The following NXPH2 variants were observed in gnomAD, a reference collection of about 807,000 sequenced individuals.
NXPH2 encodes neurexophilin 2, also known as neurexophilin-2.
In NXPH2, 5 loss-of-function variants were observed where a neutral mutation model predicts 19.8. That is an observed-to-expected ratio of 0.25 (90% confidence interval 0.13 to 0.53). NXPH2 has a LOEUF of 0.53. NXPH2 is among the 20% of genes least tolerant of loss of function. The probability of loss-of-function intolerance (pLI) is 0.96; values close to 1 mark genes in which losing one functional copy is unlikely to be tolerated. For synonymous variants in NXPH2, 154 were observed against 127.4 expected (o/e 1.21, Z -1.41); for missense variants, 289 against 322.8 (o/e 0.90, Z 0.80).
At chr2:138,730,854 G>A (rs1055349242) in intron 1 of NXPH2, among the ~76,000 whole-genome samples, 29 of 152,120 alleles carry the variant, frequency 1.9e-4, no homozygotes, top group African/African-American at 6.0e-4. Flanking sequence ...GCTGTTTTAC[G>A]CCACTGGGTC....
In NXPH2 at chr2:138,732,476, C is replaced by T. The variant is rs72988945; in HGVS notation, c.51+47715G>A. Among the ~76,000 whole-genome samples the T allele has an allele frequency of 2.5e-3, 386 of 152,298 alleles. 1 individual carries two copies. The highest frequency in any genetic ancestry group is 8.5e-3 in the African/African-American group (354 of 41,558). ...GATTCTTTTCAGGAGATGATCTCCT[C>T]TGAAATCTGTCAATGTCAGCCTTGG... is the stretch of plus-strand genomic sequence containing the variant. On this transcript the variant is annotated intron_variant, in intron 1 of 1. Transcript: ENST00000272641.
intron 1 of NXPH2, among the ~76,000 whole-genome samples, chr2:138,675,012 TCCTGTTTCATGGGATAGAGC>T (rs1680465489): frequency 6.6e-6 from 1 of 152,212 alleles, no homozygotes; most frequent in Non-Finnish European, 1.5e-5. Context: ...ACCTTCCTTC[TCCTGTTTCATGGGATAGAGC>T]CCTTCTGACA....
chr2:138,754,279 T>C (rs1182808831), intron 1 of NXPH2, among the ~76,000 whole-genome samples: 1 of 152,176 alleles, frequency 6.6e-6, no homozygotes, highest in Non-Finnish European at 1.5e-5. Flanking sequence ...ATATCCACCA[T>C]TAGAGTATCA....
Position 138,670,494 on chromosome 2 carries a change from C to G in NXPH2, c.*428G>C, listed in dbSNP as rs1402334144. Among the ~76,000 whole-genome samples the G allele has an allele frequency of 6.6e-6, 1 of 152,184 alleles. No individual in the cohort carries two copies. Among genetic ancestry groups the G allele is most frequent in the East Asian group, 1.9e-4 (1 of 5,202 alleles). On this transcript the variant is annotated 3_prime_UTR_variant, in exon 2 of 2. Coordinates refer to ENST00000272641, the MANE Select transcript of NXPH2 (RefSeq NM_007226.3). Reference sequence around the variant, plus strand: ...AATGTCAAAAACACAATTCATCTATCAAATACAATCTTTTCCTTTACCGCA... The same window carrying G: ...AATGTCAAAAACACAATTCATCTATGAAATACAATCTTTTCCTTTACCGCA...
At chr2:138,707,252 C>T (rs988859369) in intron 1 of NXPH2, among the ~76,000 whole-genome samples, 29 of 152,154 alleles carry the variant, frequency 1.9e-4, no homozygotes, top group Admixed American at 1.3e-3. Flanking sequence ...AATCAGAACA[C>T]ATATCAAACA....
At chr2:138,707,268 G>T (rs1271965158) in intron 1 of NXPH2, among the ~76,000 whole-genome samples, 1 of 151,938 alleles carries the variant, frequency 6.6e-6, no homozygotes, top group African/African-American at 2.4e-5. Flanking sequence ...AAACAAATGA[G>T]AACAAAGGCC....
intron 1 of NXPH2, among the ~76,000 whole-genome samples, chr2:138,723,644 G>A (rs926296738): frequency 1.8e-4 from 27 of 152,262 alleles, no homozygotes; most frequent in African/African-American, 6.0e-4. Context: ...ATTGGGCCTC[G>A]CCTCCTGCCA....
intron 1 of NXPH2, among the ~76,000 whole-genome samples, chr2:138,732,075 C>T (rs1400983166): frequency 2.6e-5 from 4 of 152,078 alleles, no homozygotes; most frequent in South Asian, 2.1e-4. Context: ...AACATGGCAA[C>T]GCAGGTTAAG....
At chr2:138,690,343 C>T (rs1680728522) in intron 1 of NXPH2, among the ~76,000 whole-genome samples, 1 of 152,094 alleles carries the variant, frequency 6.6e-6, no homozygotes, top group Admixed American at 6.5e-5. Flanking sequence ...GCTCGTGTCC[C>T]ATCTCACCCT....
At chr2:138,765,037 G>A (rs999339003) in intron 1 of NXPH2, among the ~76,000 whole-genome samples, 7 of 152,236 alleles carry the variant, frequency 4.6e-5, no homozygotes, top group Admixed American at 4.6e-4. Context: ...CTTATTTAGG[G>A]ATGTGTACAG....
intron 1 of NXPH2, among the ~76,000 whole-genome samples, chr2:138,712,649 G>A (rs1024355037): frequency 3.3e-5 from 5 of 152,138 alleles, no homozygotes; most frequent in African/African-American, 4.8e-5. Context: ...TTAACTCCCA[G>A]AAGGCAATGC....
chr2:138,687,797 T>A (rs1680683866), intron 1 of NXPH2, among the ~76,000 whole-genome samples: 1 of 152,244 alleles, frequency 6.6e-6, no homozygotes, highest in Non-Finnish European at 1.5e-5. Flanking sequence ...AAATAGGGAA[T>A]CCTTTCCTTA....
Position 138,671,298 on chromosome 2 carries a change from C to A in NXPH2, c.419G>T (p.Gly140Val). 2.5e-6 allele frequency: 4 copies of A among 1,613,758 alleles called. No individual in the cohort carries two copies. The highest frequency in any genetic ancestry group is 3.4e-6 in the Non-Finnish European group (4 of 1,179,792). The change falls in exon 2 of 2, where the codon GGA becomes GTA. Residue 140 changes from glycine to valine, a missense_variant. Transcript: ENST00000272641. ...ATGTCGGAAATACACACTGAAGGTT[C>A]CATTTCCATGGTCAACAATTTTCCC... ...ITGKIVDHGN[G>V]TFSVYFRHNS...
intron 1 of NXPH2, among the ~76,000 whole-genome samples, chr2:138,679,378 C>A (rs1316891176): frequency 6.7e-6 from 1 of 150,220 alleles, no homozygotes; most frequent in Non-Finnish European, 1.5e-5. Context: ...TACGTGGCAG[C>A]GGGGGAGTAG....
intron 1 of NXPH2, among the ~76,000 whole-genome samples, chr2:138,705,120 C>T (rs1333805083): frequency 6.6e-6 from 1 of 152,102 alleles, no homozygotes; most frequent in Non-Finnish European, 1.5e-5. Context: ...AGCCACCACA[C>T]TTGGTCTTTT....
At chr2:138,687,226 CT>C (rs1244586302) in intron 1 of NXPH2, among the ~76,000 whole-genome samples, 1 of 152,142 alleles carries the variant, frequency 6.6e-6, no homozygotes, top group African/African-American at 2.4e-5. Context: ...TGTTTCCTGA[CT>C]TTTTAATGTT....
chr2:138,724,558 T>C (rs1681329059), intron 1 of NXPH2, among the ~76,000 whole-genome samples: 1 of 152,236 alleles, frequency 6.6e-6, no homozygotes, highest in South Asian at 2.1e-4. Flanking sequence ...GCCTGTTCTT[T>C]TCATCCTAAC....
At chr2:138,745,415 G>C (rs544025062) in intron 1 of NXPH2, among the ~76,000 whole-genome samples, 1 of 147,890 alleles carries the variant, frequency 6.8e-6, no homozygotes, top group Non-Finnish European at 1.5e-5. Context: ...AGTGAGTTAA[G>C]CAAGCTAATT....
intron 1 of NXPH2, among the ~76,000 whole-genome samples, chr2:138,768,575 T>C (rs1389237483): frequency 6.6e-6 from 1 of 152,220 alleles, no homozygotes; most frequent in Non-Finnish European, 1.5e-5. Context: ...ATTTATTCAT[T>C]ATCTTGGCTA....
Sources: gnomAD v4.1 joint callset for allele counts (sites outside exome capture counted in the v4.1 genomes callset) on GRCh38, gnomAD v4.1.1 for gene constraint, MANE v1.5 for transcripts, NCBI Gene and HGNC (gene_info 2026-07-23, HGNC 2026-07-21) for gene names.